DNAJC21: variants seen among roughly 807,000 people sequenced by gnomAD.
DNAJC21 encodes DnaJ heat shock protein family (Hsp40) member C21.
A neutral mutation model predicts 72.4 loss-of-function variants in DNAJC21; 63 were observed. The observed-to-expected ratio is 0.87, with a 90% CI of 0.71 to 1.07. DNAJC21 has a LOEUF of 1.07. Ranked by LOEUF, DNAJC21 falls within the 50% of genes least tolerant of loss-of-function variation. DNAJC21 has a pLI of 0.00. For missense variants in DNAJC21, 634 were observed against 644.8 expected (o/e 0.98, Z 0.18); for synonymous variants, 203 against 216.7 (o/e 0.94, Z 0.56).
chr5:34,939,215 T>C (rs1184029207), intron 6 of DNAJC21, among the ~76,000 whole-genome samples: 5 of 152,210 alleles, frequency 3.3e-5, no homozygotes, highest in Non-Finnish European at 5.9e-5. Flanking sequence ...CAGTGTGTAC[T>C]TCTAGCTGCA....
At chr5:34,941,494 A>G (rs566078355) in intron 7 of DNAJC21, among the ~76,000 whole-genome samples, 2 of 147,908 alleles carry the variant, frequency 1.4e-5, no homozygotes, top group South Asian at 4.4e-4. Context: ...AAGTGCTAGG[A>G]TTGCAAGCGT....
chr5:34,944,186 A>G (rs1262667604), intron 7 of DNAJC21, among the ~76,000 whole-genome samples: 2 of 152,180 alleles, frequency 1.3e-5, no homozygotes, highest in Non-Finnish European at 2.9e-5. Context: ...TGAGACAGAC[A>G]TTGCCAGCAG....
chr5:34,953,637 CTG>C (rs1765448359), intron 10 of DNAJC21: 1 of 281,556 alleles, frequency 3.6e-6, no homozygotes, highest in Admixed American at 5.2e-5. Context: ...ACATTTATCT[CTG>C]TATAAAACAT....
intron 9 of DNAJC21, among the ~76,000 whole-genome samples, chr5:34,947,654 ATGTTTT>A (rs770607106): frequency 9.7e-6 from 1 of 103,414 alleles, no homozygotes; most frequent in Non-Finnish European, 2.2e-5. Context: ...AGTTTTCACC[ATGTTTT>A]TTTTTTTTTT....
chr5:34,952,243 C>T, intron 10 of DNAJC21: 1 of 983,928 alleles, frequency 1.0e-6, no homozygotes, highest in Non-Finnish European at 1.2e-6. Context: ...GAATATTATC[C>T]TAAATTTGTT....
chr5:34,949,398 G>C (rs1472317307), intron 9 of DNAJC21: 2 of 1,311,260 alleles, frequency 1.5e-6, no homozygotes, highest in African/African-American at 1.5e-5. Context: ...TGCAACATGT[G>C]ATCCTTGATT....
intron 1 of DNAJC21, chr5:34,930,141 A>G: frequency 3.1e-6 from 1 of 324,760 alleles, no homozygotes; most frequent in South Asian, 1.0e-4. Context: ...CATACCCGCG[A>G]CCCCGGCCCC....
intron 10 of DNAJC21, 126 bp downstream of exon 10, chr5:34,950,468 T>A: frequency 7.0e-7 from 1 of 1,429,246 alleles, no homozygotes; most frequent in Non-Finnish European, 9.1e-7. Flanking sequence ...TCTGTACATA[T>A]TTATGTATAG....
chr5:34,942,594 G>A lies in DNAJC21; in HGVS notation c.983+1411G>A, dbSNP rs1397488008. Among the ~76,000 whole-genome samples the A allele has an allele frequency of 2.0e-5, 3 of 152,034 alleles. No individual in the cohort carries two copies. In the East Asian group the frequency reaches 5.8e-4, roughly 29 times the overall value. ...TTATTTGGAAATGACACACTTAAAGGTAAATTGCAAGAAGAGAATATAGTG... is the reference window on the plus strand; with the variant it reads ...TTATTTGGAAATGACACACTTAAAGATAAATTGCAAGAAGAGAATATAGTG... On this transcript the variant is annotated intron_variant, in intron 7 of 11. Transcript: ENST00000648817.
Position 34,929,559 on chromosome 5 carries a change from A to G in DNAJC21, c.-261A>G, listed in dbSNP as rs976239743. ...CCGGCACAGAGCCCACCCCTAGCCC[A>G]TGCGAAGCGGCGGCCGCCGGCACCG... On this transcript the variant is annotated 5_prime_UTR_variant, in exon 1 of 12. It removes an upstream start codon present in the reference 5' UTR. Coordinates refer to ENST00000648817, the MANE Select transcript of DNAJC21 (RefSeq NM_001012339.3). 7.6e-6 allele frequency: 1 copy of G among 131,932 alleles called. No individual in the cohort carries two copies. The highest frequency in any genetic ancestry group is 1.6e-5 in the Non-Finnish European group (1 of 62,784). 8.2% of individuals were successfully genotyped at this position (131,932 alleles called of 1,614,324 possible).
chr5:34,940,983 G>T, intron 6 of DNAJC21, 113 bp from the exon 7 acceptor site: 1 of 880,670 alleles, frequency 1.1e-6, no homozygotes, highest in Non-Finnish European at 1.8e-6. Context: ...AAATCCTTAG[G>T]ATTATTTTTT....
chr5:34,945,858 C>A, intron 9 of DNAJC21, 55 bp downstream of exon 9: 2 of 1,263,270 alleles, frequency 1.6e-6, no homozygotes, highest in African/African-American at 1.5e-5. Context: ...TTGCAGTGCT[C>A]TTATTTATTC....
intron 2 of DNAJC21, 151 bp downstream of exon 2, chr5:34,934,059 TG>T: frequency 1.6e-6 from 1 of 622,002 alleles, no homozygotes; most frequent in Non-Finnish European, 2.7e-6. Flanking sequence ...ATCTAACGTT[TG>T]GGTCAGAAGG....
In DNAJC21 at chr5:34,954,656, C is replaced by A; in HGVS notation, c.1538C>A (p.Ser513Ter). 2 of 1,613,224 alleles carry A rather than the reference C, an allele frequency of 1.2e-6. No homozygotes were observed. The highest frequency in any genetic ancestry group is 2.2e-5 in the South Asian group (2 of 90,924). Residue 513 changes from serine (S) to a stop codon, truncating the protein, a stop_gained, in exon 12 of 12, where the codon TCG (serine) becomes TAG (stop). Coordinates refer to ENST00000648817, the MANE Select transcript of DNAJC21 (RefSeq NM_001012339.3). LOFTEE classifies it high-confidence loss of function. ...GGTCATGCAAGAGCACCTTCATCAT[C>A]GTCTTTAAACAGCGCAACAAGTAGT... ...ATGHARAPSS[S>*]SLNSATSSQS...
intron 2 of DNAJC21, among the ~76,000 whole-genome samples, chr5:34,934,442 G>A (rs1764703757): frequency 6.6e-6 from 1 of 151,066 alleles, no homozygotes; most frequent in Admixed American, 6.6e-5. Flanking sequence ...TGTTGGCCAG[G>A]CTGGTCTCAA....
chr5:34,938,855 T>G lies in DNAJC21; in HGVS notation c.744-3T>G, dbSNP rs756039758. 1.2e-6 allele frequency: 2 copies of G among 1,609,892 alleles called. No individual in the cohort carries two copies. The highest frequency in any genetic ancestry group is 8.5e-7 in the Non-Finnish European group (1 of 1,178,702). On this transcript the variant is annotated splice_polypyrimidine_tract_variant and splice_region_variant and intron_variant, in intron 5 of 11. Transcript: ENST00000648817. ...GCTGTGAGACTGTGCTGTATGTGTC[T>G]AGACTGGTGGAGCAGTACAGAGAAC...
At chr5:34,943,045 G>T (rs998408921) in intron 7 of DNAJC21, among the ~76,000 whole-genome samples, 1 of 151,878 alleles carries the variant, frequency 6.6e-6, no homozygotes, top group Non-Finnish European at 1.5e-5. Flanking sequence ...TCCAGCCTGG[G>T]CAATAAGAGC....
rs1180679142 is a variant in DNAJC21 at position 34,958,752 on chromosome 5, G to C, written c.*4038G>C. ...CAATTCTCAAAACTTTTGGTCTCAA[G>C]ATCCCTTTACACTCTTCAAAAGTGA... On this transcript the variant is annotated 3_prime_UTR_variant, in exon 12 of 12. Transcript: ENST00000648817. The C allele has an allele frequency of 6.6e-6, 1 of 152,138 alleles. No homozygotes were observed. The highest frequency in any genetic ancestry group is 6.5e-5 in the Admixed American group (1 of 15,276). 9.4% of individuals were successfully genotyped at this position (152,138 alleles called of 1,614,324 possible). A position where few individuals can be genotyped will look rare whatever the true frequency, so the allele number is the denominator to read the frequency against.
chr5:34,941,353 A>G (rs1764983631), intron 7 of DNAJC21, among the ~76,000 whole-genome samples, 170 bp downstream of exon 7: 1 of 152,020 alleles, frequency 6.6e-6, no homozygotes, highest in South Asian at 2.1e-4. Context: ...ACCTGCCATC[A>G]TGGCCAGCTA....
Sources: gnomAD v4.1 joint callset for allele counts (sites outside exome capture counted in the v4.1 genomes callset) on GRCh38, gnomAD v4.1.1 for gene constraint, MANE v1.5 for transcripts, NCBI Gene and HGNC (gene_info 2026-07-23, HGNC 2026-07-21) for gene names.